The following WWOX variants were observed in gnomAD, a reference collection of about 807,000 sequenced individuals.
WWOX encodes WW domain containing oxidoreductase, also known as WW domain-containing oxidoreductase.
In WWOX, 69 loss-of-function variants were observed where a neutral mutation model predicts 46.2. The observed-to-expected ratio is 1.49, with a 90% CI of 1.23 to 1.82. The LOEUF is 1.82. WWOX is among the 40% of genes most tolerant of loss of function. The pLI is 0.00. For synonymous variants in WWOX, 359 were observed against 202.6 expected, an observed-to-expected ratio of 1.77 and a Z score of -6.56; for missense variants, 919 against 542.6, an observed-to-expected ratio of 1.69 and a Z score of -6.89.
At chr16:78,820,499 G>A (rs764554434) in intron 8 of WWOX, among the ~76,000 whole-genome samples, 14 of 152,122 alleles carry the variant, frequency 9.2e-5, no homozygotes, top group Non-Finnish European at 1.9e-4. Flanking sequence ...CCATTTCCAT[G>A]AGTAGAGTTG....
chr16:78,719,959 T>A (rs2142349393), intron 8 of WWOX, among the ~76,000 whole-genome samples: 1 of 152,344 alleles, frequency 6.6e-6, no homozygotes, highest in South Asian at 2.1e-4. Context: ...TATTCTAAGC[T>A]AGTCTCAATT....
chr16:78,785,352 G>A (rs1362655588), intron 8 of WWOX, among the ~76,000 whole-genome samples: 3 of 152,180 alleles, frequency 2.0e-5, no homozygotes, highest in Non-Finnish European at 4.4e-5. Context: ...GGCAGCAGCA[G>A]CTAGGGAAGA....
chr16:78,929,004 A>C (rs183090373), intron 8 of WWOX, among the ~76,000 whole-genome samples: 1 of 152,348 alleles, frequency 6.6e-6, no homozygotes, highest in East Asian at 1.9e-4. Context: ...TGTATATATA[A>C]TATACGTTCA....
In WWOX at chr16:78,587,310, G is replaced by A. The variant is rs1004944944; in HGVS notation, c.1056+154558G>A. Among the ~76,000 whole-genome samples, 4 of 150,918 alleles carry A rather than the reference G, an allele frequency of 2.7e-5. No homozygotes were observed. In the South Asian group the frequency reaches 8.4e-4, roughly 32 times the overall value. On this transcript the variant is annotated intron_variant, in intron 8 of 8. Coordinates refer to ENST00000566780, the MANE Select transcript of WWOX (RefSeq NM_016373.4). ...GGCCTCCCACAGTATTGGGATTACA[G>A]GTGTGAGCCACTGCGTGAGGCCCAG... is the stretch of plus-strand genomic sequence containing the variant.
At chr16:78,997,649 C>T (rs370339132) in intron 8 of WWOX, among the ~76,000 whole-genome samples, 2 of 152,072 alleles carry the variant, frequency 1.3e-5, no homozygotes, top group African/African-American at 4.8e-5. Context: ...GTATTTATTT[C>T]CTCCCTCCCT....
chr16:78,450,617 A>T (rs1473705288), intron 8 of WWOX, among the ~76,000 whole-genome samples: 1 of 152,244 alleles, frequency 6.6e-6, no homozygotes, highest in African/African-American at 2.4e-5. Context: ...TTGGGAACTT[A>T]AACTTTTTTT....
chr16:78,217,481 A>G (rs367673624), intron 5 of WWOX, among the ~76,000 whole-genome samples: 1 of 152,222 alleles, frequency 6.6e-6, no homozygotes, highest in African/African-American at 2.4e-5. Context: ...TGAACTGCCT[A>G]AGATGGAATA....
chr16:78,517,309 C>T (rs1348627078), intron 8 of WWOX, among the ~76,000 whole-genome samples: 2 of 150,458 alleles, frequency 1.3e-5, no homozygotes, highest in Non-Finnish European at 3.0e-5. Context: ...AACTGTCACA[C>T]ACACCCACCC....
intron 8 of WWOX, among the ~76,000 whole-genome samples, chr16:78,723,718 C>T (rs1351290515): frequency 6.6e-6 from 1 of 151,612 alleles, no homozygotes; most frequent in Non-Finnish European, 1.5e-5. Flanking sequence ...CATTGGAGTG[C>T]TCTCTGGGTT....
intron 5 of WWOX, among the ~76,000 whole-genome samples, chr16:78,356,991 G>T (rs914630098): frequency 6.6e-6 from 1 of 152,186 alleles, no homozygotes; most frequent in Non-Finnish European, 1.5e-5. Context: ...TTATGGCCAT[G>T]TATACCTTTG....
intron 6 of WWOX, among the ~76,000 whole-genome samples, chr16:78,411,684 T>G (rs1304490212): frequency 6.6e-6 from 1 of 152,216 alleles, no homozygotes; most frequent in Non-Finnish European, 1.5e-5. Flanking sequence ...TAACTAGGCT[T>G]TAACCAGTAT....
chr16:79,048,333 C>A (rs551940501), intron 8 of WWOX, among the ~76,000 whole-genome samples: 3 of 152,054 alleles, frequency 2.0e-5, no homozygotes, highest in African/African-American at 7.2e-5. Context: ...TCCAGCCCCA[C>A]ACACATGCCG....
chr16:79,152,268 G>A (rs538725015), intron 8 of WWOX, among the ~76,000 whole-genome samples: 1 of 152,306 alleles, frequency 6.6e-6, no homozygotes, highest in Admixed American at 6.5e-5. Flanking sequence ...AAGGGTACAG[G>A]CTGGCTGGAC....
chr16:78,741,988 C>A (rs550905662), intron 8 of WWOX, among the ~76,000 whole-genome samples: 185 of 152,288 alleles, frequency 1.2e-3, no homozygotes, highest in Non-Finnish European at 2.1e-3. Context: ...TCCCTCCTTA[C>A]CTGCCTCCTA....
At chr16:78,420,347 C>T (rs1224789624) in intron 6 of WWOX, among the ~76,000 whole-genome samples, 1 of 151,986 alleles carries the variant, frequency 6.6e-6, no homozygotes, top group African/African-American at 2.4e-5. Context: ...TCCTAATAGC[C>T]AATAAATGGA....
intron 8 of WWOX, among the ~76,000 whole-genome samples, chr16:79,067,576 T>A (rs2048465195): frequency 7.1e-6 from 1 of 141,792 alleles, no homozygotes; most frequent in Non-Finnish European, 1.5e-5. Flanking sequence ...GTACTAATAC[T>A]TCATGCTCAT....
At chr16:78,613,736 G>T (rs1031260151) in intron 8 of WWOX, among the ~76,000 whole-genome samples, 7 of 152,178 alleles carry the variant, frequency 4.6e-5, no homozygotes, top group Non-Finnish European at 8.8e-5. Flanking sequence ...TTCCAGCCGA[G>T]AATGCTTTCC....
intron 8 of WWOX, among the ~76,000 whole-genome samples, chr16:78,849,456 C>T (rs1237599915): frequency 1.3e-5 from 2 of 151,652 alleles, no homozygotes; most frequent in African/African-American, 4.8e-5. Flanking sequence ...CGCCTGTAGT[C>T]CCAGCTACTG....
intron 5 of WWOX, among the ~76,000 whole-genome samples, chr16:78,351,800 A>T (rs1385683895): frequency 6.6e-6 from 1 of 152,000 alleles, no homozygotes; most frequent in Non-Finnish European, 1.5e-5. Flanking sequence ...GGGATTACAG[A>T]CGTGTATCAC....
Sources: allele counts gnomAD v4.1 joint callset (sites outside exome capture counted in the v4.1 genomes callset), GRCh38; gene constraint gnomAD v4.1.1; transcripts MANE v1.5; gene names NCBI Gene and HGNC (gene_info 2026-07-23, HGNC 2026-07-21).